RGMA: variants seen among roughly 807,000 people sequenced by gnomAD.
RGMA encodes repulsive guidance molecule BMP co-receptor a, also known as repulsive guidance molecule A.
A neutral mutation model predicts 23.2 loss-of-function variants in RGMA; 10 were observed. That is an observed-to-expected ratio of 0.43 (90% CI 0.27 to 0.73). The LOEUF (loss-of-function observed/expected upper bound fraction) is 0.73. Among genes scored for constraint, RGMA ranks in the 30% least tolerant of loss-of-function variants. The pLI, the probability that RGMA is intolerant of heterozygous loss-of-function variation, is 0.20. For missense variants in RGMA, 547 were observed against 630.5 expected (o/e 0.87, Z 1.42); for synonymous variants, 308 against 279.3 (o/e 1.10, Z -1.03).
chr15:93,072,113 C>G (rs549971880), intron 2 of RGMA, among the ~76,000 whole-genome samples: 4 of 152,054 alleles, frequency 2.6e-5, no homozygotes, highest in Non-Finnish European at 5.9e-5. Context: ...CCCCCTCCCC[C>G]CGAAAGGAAA....
At chr15:93,048,739 C>T (rs1237538833) in intron 3 of RGMA, among the ~76,000 whole-genome samples, 1 of 152,156 alleles carries the variant, frequency 6.6e-6, no homozygotes, top group African/African-American at 2.4e-5. Context: ...CTACTTCTTC[C>T]TTCTTTCCAC....
At chr15:93,082,735 A>G (rs1401808658) in intron 1 of RGMA, among the ~76,000 whole-genome samples, 1 of 152,258 alleles carries the variant, frequency 6.6e-6, no homozygotes, top group Non-Finnish European at 1.5e-5. Flanking sequence ...CATCCATCCT[A>G]GAGACCAAAG....
chr15:93,077,987 T>A (rs1016544554), intron 1 of RGMA, among the ~76,000 whole-genome samples: 1 of 152,208 alleles, frequency 6.6e-6, no homozygotes, highest in Non-Finnish European at 1.5e-5. Flanking sequence ...GGATTATAGG[T>A]ATGAGCCGCT....
chr15:93,078,972 G>A lies in RGMA; in HGVS notation c.15-5941C>T, dbSNP rs141145071. On this transcript the variant is annotated intron_variant, in intron 1 of 3. Transcript: ENST00000329082. ...CTCATAAATGCATTAACAGACTTGC[G>A]CCTGCAAAAGCTTAATATGCATGTT... Among the ~76,000 whole-genome samples, 182 of 152,228 alleles carry A rather than the reference G, an allele frequency of 1.2e-3. 1 individual carries two copies. The highest frequency in any genetic ancestry group is 4.0e-3 in the African/African-American group (167 of 41,530).
chr15:93,078,901 TAA>T (rs1209482330), intron 1 of RGMA, among the ~76,000 whole-genome samples: 2 of 152,256 alleles, frequency 1.3e-5, no homozygotes, highest in Non-Finnish European at 2.9e-5. Context: ...TTTGTGGCTA[TAA>T]ACAGACTGGA....
At chr15:93,046,257 G>C (rs945658096) in intron 3 of RGMA, among the ~76,000 whole-genome samples, 2 of 152,170 alleles carry the variant, frequency 1.3e-5, no homozygotes, top group Non-Finnish European at 2.9e-5. Flanking sequence ...CTAGGACAGA[G>C]GAGAAGGTGA....
At chr15:93,080,551 G>A (rs140300542) in intron 1 of RGMA, among the ~76,000 whole-genome samples, 73 of 152,128 alleles carry the variant, frequency 4.8e-4, no homozygotes, top group East Asian at 1.5e-3. Flanking sequence ...CCCCAGGCAC[G>A]GGGCTTTTCG....
intron 1 of RGMA, among the ~76,000 whole-genome samples, chr15:93,078,740 C>T (rs1406528770): frequency 6.6e-6 from 1 of 152,242 alleles, no homozygotes; most frequent in Admixed American, 6.5e-5. Flanking sequence ...GAAGAGAATA[C>T]AACTGCCAGG....
At chr15:93,073,832 C>T in intron 1 of RGMA, 13 of 1,516,728 alleles carry the variant, frequency 8.6e-6, no homozygotes, top group African/African-American at 1.4e-5. Flanking sequence ...CCCGGCTGCG[C>T]CCCCGTGCTG....
chr15:93,063,818 A>AACCTCAGTTCCTGTG (rs1306144643), intron 2 of RGMA, among the ~76,000 whole-genome samples: 31 of 152,192 alleles, frequency 2.0e-4, no homozygotes, highest in Non-Finnish European at 4.4e-4. Context: ...CTTCTCAGGG[A>AACCTCAGTTCCTGTG]ACCTCAGTTG....
At chr15:93,088,423 G>A (rs998527654) in intron 1 of RGMA, 56 of 985,732 alleles carry the variant, frequency 5.7e-5, no homozygotes, top group Non-Finnish European at 6.3e-5. Flanking sequence ...GCGCGCCGAG[G>A]CAAAGGGCCG....
intron 2 of RGMA, chr15:93,065,972 T>A: frequency 9.5e-7 from 1 of 1,048,282 alleles, no homozygotes; most frequent in Non-Finnish European, 1.4e-6. Flanking sequence ...CGCCGTCGTC[T>A]GGGCCGCTGC....
chr15:93,055,993 C>T lies in RGMA; in HGVS notation c.131-3486G>A, dbSNP rs1367813399. ...CCAGGTACCCCGGAGAGGGGTCCCT[C>T]GCATGCTCCAGGGCCACAGAGTGGG... is the stretch of plus-strand genomic sequence containing the variant. On this transcript the variant is annotated intron_variant, in intron 2 of 3. Transcript: ENST00000329082. Among the ~76,000 whole-genome samples the T allele has an allele frequency of 2.6e-5, 4 of 152,214 alleles. No individual in the cohort carries two copies. The East Asian group carries it at 5.8e-4, about 22-fold the overall frequency.
chr15:93,069,515 C>T (rs1026121769), intron 2 of RGMA, among the ~76,000 whole-genome samples: 1 of 151,878 alleles, frequency 6.6e-6, no homozygotes, highest in Non-Finnish European at 1.5e-5. Context: ...ACCTTAGTTA[C>T]CCACTGAGGA....
intron 1 of RGMA, among the ~76,000 whole-genome samples, chr15:93,082,444 C>A (rs977166884): frequency 2.6e-5 from 4 of 152,212 alleles, no homozygotes; most frequent in Non-Finnish European, 4.4e-5. Flanking sequence ...AGACTCATTT[C>A]TAAGTCTTGT....
intron 2 of RGMA, chr15:93,066,324 T>C (rs1450299057): frequency 9.6e-6 from 8 of 833,254 alleles, no homozygotes; most frequent in Non-Finnish European, 4.2e-6. Context: ...ATTCCGGACG[T>C]TGAACCATTT....
chr15:93,073,917 C>T (rs2141842725), intron 1 of RGMA: 1 of 1,438,066 alleles, frequency 7.0e-7, no homozygotes, highest in Non-Finnish European at 9.1e-7. Context: ...GTCCGCGTGG[C>T]GCGCAGGGCC....
intron 3 of RGMA, among the ~76,000 whole-genome samples, chr15:93,048,576 C>T (rs893394898): frequency 3.3e-5 from 5 of 152,146 alleles, no homozygotes; most frequent in Admixed American, 6.5e-5. Flanking sequence ...CCGCAGGACA[C>T]GGCACACTTC....
intron 3 of RGMA, among the ~76,000 whole-genome samples, chr15:93,049,280 G>C (rs2054879084): frequency 6.6e-6 from 1 of 152,246 alleles, no homozygotes; most frequent in Non-Finnish European, 1.5e-5. Context: ...GTACACGAGG[G>C]AGAAGATCCC....
Sources: allele counts gnomAD v4.1 joint callset (sites outside exome capture counted in the v4.1 genomes callset), GRCh38; gene constraint gnomAD v4.1.1; transcripts MANE v1.5; gene names NCBI Gene and HGNC (gene_info 2026-07-23, HGNC 2026-07-21).